Variants in MSI2 observed in about 807,000 individuals in gnomAD.
MSI2 encodes the protein RNA-binding protein Musashi homolog 2.
A neutral mutation model predicts 45.6 loss-of-function variants in MSI2; 17 were observed. The ratio of observed to expected loss-of-function variants is 0.37; its 90% confidence interval spans 0.26 to 0.56. The LOEUF (loss-of-function observed/expected upper bound fraction) is 0.56, where lower values mean the gene tolerates loss of function less well. MSI2 is among the 20% of genes least tolerant of loss of function. The pLI is 0.77. For missense variants in MSI2, 293 were observed against 444.2 expected (o/e 0.66, Z 3.06); for synonymous variants, 156 against 158.2 (o/e 0.99, Z 0.11).
At chr17:57,367,991 T>C (rs1046338695) in intron 5 of MSI2, among the ~76,000 whole-genome samples, 1 of 152,112 alleles carries the variant, frequency 6.6e-6, no homozygotes, top group East Asian at 1.9e-4. Flanking sequence ...CACAGACATA[T>C]GTAAGATAAA....
intron 6 of MSI2, among the ~76,000 whole-genome samples, chr17:57,413,172 C>T (rs891811538): frequency 6.6e-6 from 1 of 151,566 alleles, no homozygotes; most frequent in Non-Finnish European, 1.5e-5. Context: ...CACACACACA[C>T]TCTCTCTCTC....
At chr17:57,318,860 C>G (rs1170280588) in intron 5 of MSI2, among the ~76,000 whole-genome samples, 1 of 152,212 alleles carries the variant, frequency 6.6e-6, no homozygotes, top group Non-Finnish European at 1.5e-5. Flanking sequence ...TGATTTGTTA[C>G]ATATAAATTT....
At chr17:57,437,918 A>G (rs542527840) in intron 6 of MSI2, among the ~76,000 whole-genome samples, 4 of 152,350 alleles carry the variant, frequency 2.6e-5, no homozygotes, top group African/African-American at 9.6e-5. Flanking sequence ...ATGTGGTGTG[A>G]CTGACCAACA....
chr17:57,483,900 T>C lies in MSI2; in HGVS notation c.406-45776T>C, dbSNP rs80155663. 2.6e-3 allele frequency among the ~76,000 whole-genome samples: 397 copies of C among 152,334 alleles called. 2 individuals carry two copies. Among genetic ancestry groups the C allele is most frequent in the African/African-American group, 8.7e-3 (362 of 41,570 alleles). ...CTTAGGGTCTCCCTCTAGCACACGC[T>C]GTTGGCAGAGCCTACCAGGGAGCTA... On this transcript the variant is annotated intron_variant, in intron 6 of 13. Transcript: ENST00000284073.
chr17:57,533,772 G>GC (rs766765556), intron 7 of MSI2, among the ~76,000 whole-genome samples: 82 of 152,300 alleles, frequency 5.4e-4, no homozygotes, highest in South Asian at 1.4e-3. Context: ...GGGTGGGAGT[G>GC]CCATCCTTGA....
chr17:57,266,961 AGCAC>A (rs1160830408), intron 5 of MSI2: 1 of 152,356 alleles, frequency 6.6e-6, no homozygotes, highest in African/African-American at 2.4e-5. Context: ...TTCTCTGCTA[AGCAC>A]GCATCCAGAT....
intron 6 of MSI2, among the ~76,000 whole-genome samples, chr17:57,444,114 G>T (rs2084851494): frequency 6.6e-6 from 1 of 152,154 alleles, no homozygotes; most frequent in Non-Finnish European, 1.5e-5. Flanking sequence ...TTTTAGAAAG[G>T]ACTCGAGAGG....
At chr17:57,538,339 G>C (rs887939176) in intron 7 of MSI2, among the ~76,000 whole-genome samples, 1 of 152,158 alleles carries the variant, frequency 6.6e-6, no homozygotes, top group African/African-American at 2.4e-5. Context: ...TTCAGCCTCT[G>C]TTTTCAGTTT....
At chr17:57,415,806 C>T (rs1371789960) in intron 6 of MSI2, among the ~76,000 whole-genome samples, 2 of 152,162 alleles carry the variant, frequency 1.3e-5, no homozygotes, top group African/African-American at 2.4e-5. Flanking sequence ...CTCCCAGCCT[C>T]TGCCCCCACC....
chr17:57,454,828 T>C (rs1037154340), intron 6 of MSI2, among the ~76,000 whole-genome samples: 2 of 152,214 alleles, frequency 1.3e-5, no homozygotes, highest in Non-Finnish European at 2.9e-5. Context: ...GCTTGAGCTC[T>C]TCACTAGATT....
intron 5 of MSI2, among the ~76,000 whole-genome samples, chr17:57,391,314 GT>G (rs1395491885): frequency 3.9e-5 from 6 of 152,110 alleles, no homozygotes; most frequent in Non-Finnish European, 8.8e-5. Flanking sequence ...TTTCACATTT[GT>G]TGTTTCAGCT....
At chr17:57,697,192 A>G in the MSI2 span, among the ~76,000 whole-genome samples, 1 of 104,224 alleles carries the variant, frequency 9.6e-6, no homozygotes, top group African/African-American at 3.5e-5. Context: ...TGCACAGTCA[A>G]GTCCTCTCTC....
At chr17:57,653,316 G>A (rs1047290618) in intron 11 of MSI2, among the ~76,000 whole-genome samples, 1 of 152,184 alleles carries the variant, frequency 6.6e-6, no homozygotes, top group Admixed American at 6.5e-5. Flanking sequence ...TTGTTTGGAG[G>A]GGGCTAGGGA....
chr17:57,617,690 C>T (rs762270325), intron 9 of MSI2, among the ~76,000 whole-genome samples: 1 of 152,094 alleles, frequency 6.6e-6, no homozygotes, highest in Admixed American at 6.6e-5. Context: ...CGCCTGTAAT[C>T]GGGAGGCTTA....
Position 57,480,750 on chromosome 17 carries a change from G to A in MSI2, c.406-48926G>A, listed in dbSNP as rs141395355. On this transcript the variant is annotated intron_variant, in intron 6 of 13. Transcript: ENST00000284073. ...ACCTTTTGGGCCAAGCTGTCCTAGC[G>A]TTGAAGCCATGATGTTTGCCTAGGT... is the stretch of plus-strand genomic sequence containing the variant. 4.7e-3 allele frequency among the ~76,000 whole-genome samples: 720 copies of A among 152,296 alleles called. 5 individuals are homozygous for A. The highest frequency in any genetic ancestry group is 0.016 in the African/African-American group (672 of 41,556).
At chr17:57,389,882 C>A (rs539955459) in intron 5 of MSI2, among the ~76,000 whole-genome samples, 1 of 152,124 alleles carries the variant, frequency 6.6e-6, no homozygotes, top group African/African-American at 2.4e-5. Flanking sequence ...TGTTGAAATC[C>A]CAGGCTCCTT....
chr17:57,559,542 A>T (rs1397756365), intron 7 of MSI2, among the ~76,000 whole-genome samples: 1 of 152,142 alleles, frequency 6.6e-6, no homozygotes, highest in Non-Finnish European at 1.5e-5. Flanking sequence ...TCTCAGCCCC[A>T]TCCATAGCCA....
chr17:57,556,118 T>C (rs914676277), intron 7 of MSI2, among the ~76,000 whole-genome samples: 6 of 152,276 alleles, frequency 3.9e-5, no homozygotes, highest in Non-Finnish European at 7.3e-5. Context: ...ATCAAGAATG[T>C]AATGGTAAAC....
rs1474916665 is a variant in MSI2 at position 57,407,663 on chromosome 17, CCTTTTT to C, written c.405+6195_405+6200del. 6.6e-6 allele frequency among the ~76,000 whole-genome samples: 1 copy of C among 152,182 alleles called. No individual in the cohort carries two copies. Among genetic ancestry groups the C allele is most frequent in the Non-Finnish European group, 1.5e-5 (1 of 68,030 alleles). ...GGGCCTCACCCTGTCCTCTGCTCCA[CCTTTTT>C]CTGGAGAGCCTGGGTGTTGCCCTTC... On this transcript the variant is annotated intron_variant, in intron 6 of 13. Coordinates refer to ENST00000284073, the MANE Select transcript of MSI2 (RefSeq NM_138962.4). This position sits in a 1 kb window ranked among gnomAD's most constrained non-coding sequence, Gnocchi z 4.1.
Sources: gnomAD v4.1 joint callset for allele counts (sites outside exome capture counted in the v4.1 genomes callset) on GRCh38, gnomAD v4.1.1 for gene constraint, Gnocchi (gnomAD v3.1) non-coding constraint, MANE v1.5 for transcripts, NCBI Gene and HGNC (gene_info 2026-07-23, HGNC 2026-07-21) for gene names.